TCF12: variants seen among roughly 807,000 people sequenced by gnomAD.
TCF12 encodes transcription factor 12, also known as DNA-binding protein HTF4.
In TCF12, 45 loss-of-function variants were observed where a neutral mutation model predicts 86.0. The ratio of observed to expected loss-of-function variants is 0.52; its 90% CI spans 0.41 to 0.67. The LOEUF is 0.67. TCF12 is among the 30% of genes least tolerant of loss of function. The probability of loss-of-function intolerance (pLI) is 0.00; values close to 1 mark genes in which losing one functional copy is unlikely to be tolerated. For synonymous variants in TCF12, 330 were observed against 299.6 expected, an observed-to-expected ratio of 1.10 and a Z score of -1.05; for missense variants, 881 against 859.9, an observed-to-expected ratio of 1.02 and a Z score of -0.31.
chr15:57,127,692 C>T (rs1440637759), intron 5 of TCF12, among the ~76,000 whole-genome samples: 1 of 152,142 alleles, frequency 6.6e-6, no homozygotes, highest in African/African-American at 2.4e-5. Context: ...TAGTCACTCC[C>T]AGTGAAAGTG....
chr15:57,105,434 G>C (rs189746691), intron 5 of TCF12, among the ~76,000 whole-genome samples: 2 of 151,884 alleles, frequency 1.3e-5, no homozygotes, highest in Admixed American at 6.6e-5. Flanking sequence ...TTTTTTAGAC[G>C]GAGTCTCATT....
chr15:57,181,195 C>T (rs1379551566), intron 6 of TCF12, among the ~76,000 whole-genome samples: 2 of 151,932 alleles, frequency 1.3e-5, no homozygotes, highest in Admixed American at 1.3e-4. Flanking sequence ...TAAGCCAAGC[C>T]ACTTAATAAA....
intron 16 of TCF12, among the ~76,000 whole-genome samples, chr15:57,261,835 G>A (rs2060600064): frequency 6.6e-6 from 1 of 152,034 alleles, no homozygotes; most frequent in Non-Finnish European, 1.5e-5. Context: ...AACACCCTCT[G>A]TGGGATTTAA....
Position 57,223,676 on chromosome 15 carries a change from A to G in TCF12, c.580-7476A>G, listed in dbSNP as rs1393238059. ...TTTTTTTTTTTTTTTTTTTTTAGAA[A>G]TAGAGTAGCAAGTAAGTAAAATTAC... On this transcript the variant is annotated intron_variant, in intron 8 of 20. Transcript: ENST00000333725. 8.7e-5 allele frequency among the ~76,000 whole-genome samples: 3 copies of G among 34,410 alleles called. No homozygotes were observed. The Admixed American group carries it at 9.7e-4, about 11-fold the overall frequency. The allele number at this position is 34,410 out of a possible 152,430, so 22.6% of individuals were successfully genotyped here. A position where few individuals can be genotyped will look rare whatever the true frequency, so the allele number is the denominator to read the frequency against.
At chr15:56,927,937 T>C (rs2060086816) in intron 3 of TCF12, among the ~76,000 whole-genome samples, 1 of 152,210 alleles carries the variant, frequency 6.6e-6, no homozygotes, top group Non-Finnish European at 1.5e-5. Context: ...TGTATACAAA[T>C]GTGTTGTGTG....
chr15:57,142,545 T>A (rs1479201987), intron 5 of TCF12, among the ~76,000 whole-genome samples: 1 of 149,432 alleles, frequency 6.7e-6, no homozygotes, highest in East Asian at 2.0e-4. Flanking sequence ...AGTAATAGAT[T>A]TATAATTCTT....
chr15:57,097,625 A>T (rs1255452566), intron 5 of TCF12, among the ~76,000 whole-genome samples: 1 of 152,178 alleles, frequency 6.6e-6, no homozygotes, highest in African/African-American at 2.4e-5. Flanking sequence ...TGTCGAAGGG[A>T]AATAGTATCT....
intron 5 of TCF12, among the ~76,000 whole-genome samples, chr15:57,139,679 T>G (rs761474208): frequency 7.9e-5 from 12 of 152,170 alleles, no homozygotes; most frequent in African/African-American, 1.9e-4. Flanking sequence ...GTTAGAGCAT[T>G]ATAGCTGTGG....
At chr15:57,002,570 C>T (rs1462848635) in intron 3 of TCF12, among the ~76,000 whole-genome samples, 1 of 152,294 alleles carries the variant, frequency 6.6e-6, no homozygotes, top group African/African-American at 2.4e-5. Context: ...ATACAGAGTA[C>T]TGAACTAGCA....
chr15:57,067,282 T>G (rs1458643940), intron 4 of TCF12, among the ~76,000 whole-genome samples: 1 of 152,126 alleles, frequency 6.6e-6, no homozygotes, highest in Non-Finnish European at 1.5e-5. Flanking sequence ...GGCTCACGCC[T>G]GTAATCCCAG....
intron 3 of TCF12, among the ~76,000 whole-genome samples, chr15:57,016,854 A>G (rs1250466098): frequency 6.6e-6 from 1 of 152,050 alleles, no homozygotes; most frequent in Non-Finnish European, 1.5e-5. Flanking sequence ...TGGAGAGAGA[A>G]TTTATCTCTC....
intron 5 of TCF12, among the ~76,000 whole-genome samples, chr15:57,096,884 T>C: frequency 6.6e-6 from 1 of 152,208 alleles, no homozygotes; most frequent in South Asian, 2.1e-4. Flanking sequence ...CCTCTGCTTA[T>C]AAGCATTTGA....
chr15:56,990,250 CGTGTGCGTGTGT>C (rs2063383640), intron 3 of TCF12, among the ~76,000 whole-genome samples: 1 of 126,298 alleles, frequency 7.9e-6, no homozygotes. Flanking sequence ...TCTGTGTGTG[CGTGTGCGTGTGT>C]GTGTGTGTGT....
At chr15:56,925,926 A>G (rs1441191031) in intron 3 of TCF12, among the ~76,000 whole-genome samples, 2 of 152,196 alleles carry the variant, frequency 1.3e-5, no homozygotes, top group South Asian at 2.1e-4. Flanking sequence ...TAAGTATCTC[A>G]TTTTTATCAG....
intron 3 of TCF12, among the ~76,000 whole-genome samples, chr15:56,934,379 A>G (rs1232187580): frequency 6.6e-6 from 1 of 152,234 alleles, no homozygotes; most frequent in Non-Finnish European, 1.5e-5. Flanking sequence ...TATACTCCTG[A>G]GTGAGGAGGA....
At chr15:57,145,046 A>T (rs1372063404) in intron 5 of TCF12, among the ~76,000 whole-genome samples, 4 of 152,244 alleles carry the variant, frequency 2.6e-5, no homozygotes, top group African/African-American at 9.6e-5. Context: ...TGTTTATTGT[A>T]GAAAATCAAA....
At chr15:56,981,083 C>T (rs1248015307) in intron 3 of TCF12, among the ~76,000 whole-genome samples, 6 of 152,174 alleles carry the variant, frequency 3.9e-5, no homozygotes, top group African/African-American at 7.2e-5. Flanking sequence ...ACAACATGAA[C>T]TTGTAATAGT....
intron 3 of TCF12, among the ~76,000 whole-genome samples, chr15:56,925,599 C>G (rs1410996372): frequency 1.3e-5 from 2 of 152,128 alleles, no homozygotes; most frequent in Non-Finnish European, 1.5e-5. Context: ...TAGTCTTTTC[C>G]TGGAATGTCA....
chr15:56,980,571 T>C (rs1447998727), intron 3 of TCF12, among the ~76,000 whole-genome samples: 1 of 152,230 alleles, frequency 6.6e-6, no homozygotes. Context: ...TTTGTTGTTG[T>C]AGTACAAAAC....
Sources: gnomAD v4.1 joint callset for allele counts (sites outside exome capture counted in the v4.1 genomes callset) on GRCh38, gnomAD v4.1.1 for gene constraint, MANE v1.5 for transcripts, NCBI Gene and HGNC (gene_info 2026-07-23, HGNC 2026-07-21) for gene names.